CHST11: variants seen among roughly 807,000 people sequenced by gnomAD.
CHST11 encodes carbohydrate sulfotransferase 11.
A neutral mutation model predicts 30.4 loss-of-function variants in CHST11; 9 were observed. That is an observed-to-expected ratio of 0.30 (90% CI 0.18 to 0.52). The LOEUF (loss-of-function observed/expected upper bound fraction) is 0.52. CHST11 is among the 20% of genes least tolerant of loss of function. The pLI is 0.97. For missense variants in CHST11, 348 were observed against 460.6 expected, an observed-to-expected ratio of 0.76 and a Z score of 2.24; for synonymous variants, 152 against 187.8, an observed-to-expected ratio of 0.81 and a Z score of 1.56.
chr12:104,684,429 A>G (rs1285700376), intron 2 of CHST11, among the ~76,000 whole-genome samples: 2 of 152,172 alleles, frequency 1.3e-5, no homozygotes, highest in Admixed American at 6.5e-5. Flanking sequence ...TTTGAGCCCA[A>G]CTCTATCATC....
chr12:104,618,287 G>A (rs188541012), intron 2 of CHST11, among the ~76,000 whole-genome samples: 4 of 148,614 alleles, frequency 2.7e-5, no homozygotes, highest in East Asian at 2.0e-4. Context: ...GCAGTGGCGC[G>A]ATCATGGCTC....
intron 1 of CHST11, among the ~76,000 whole-genome samples, chr12:104,597,172 T>C (rs1181955812): frequency 6.6e-6 from 1 of 152,184 alleles, no homozygotes; most frequent in Non-Finnish European, 1.5e-5. Context: ...AACAACGTGC[T>C]CTTCATTACA....
intron 2 of CHST11, among the ~76,000 whole-genome samples, chr12:104,686,116 C>T (rs1202778829): frequency 1.3e-5 from 2 of 151,292 alleles, no homozygotes; most frequent in South Asian, 2.1e-4. Context: ...ACCCGTAGTC[C>T]TAGCTACTCA....
At chr12:104,473,907 C>T (rs758736348) in intron 1 of CHST11, among the ~76,000 whole-genome samples, 1 of 152,092 alleles carries the variant, frequency 6.6e-6, no homozygotes, top group Non-Finnish European at 1.5e-5. Context: ...GTTAAAACAT[C>T]ACCATCATCA....
chr12:104,457,826 TC>T (rs2037369645), intron 1 of CHST11, among the ~76,000 whole-genome samples: 1 of 149,672 alleles, frequency 6.7e-6, no homozygotes, highest in Non-Finnish European at 1.5e-5. Flanking sequence ...TTTCTTTGTG[TC>T]CCTTGTCTGT....
chr12:104,484,342 G>C (rs900418010), intron 1 of CHST11, among the ~76,000 whole-genome samples: 1 of 152,198 alleles, frequency 6.6e-6, no homozygotes, highest in African/African-American at 2.4e-5. Context: ...GGGAAGTCCT[G>C]CCATTAAGAA....
chr12:104,651,457 G>A (rs958632451), intron 2 of CHST11, among the ~76,000 whole-genome samples: 8 of 152,220 alleles, frequency 5.3e-5, no homozygotes, highest in East Asian at 1.9e-4. Context: ...ACTGTTTTTC[G>A]GAAGAAAAAC....
chr12:104,530,117 C>G (rs905813466), intron 1 of CHST11, among the ~76,000 whole-genome samples: 2 of 152,090 alleles, frequency 1.3e-5, no homozygotes, highest in Non-Finnish European at 2.9e-5. Flanking sequence ...CGAGATTGCG[C>G]CATTATAGTT....
intron 1 of CHST11, among the ~76,000 whole-genome samples, chr12:104,486,176 T>C (rs147908111): frequency 6.6e-6 from 1 of 152,354 alleles, no homozygotes; most frequent in East Asian, 1.9e-4. Context: ...TTGCTTGACC[T>C]TTAAATTTTT....
intron 2 of CHST11, among the ~76,000 whole-genome samples, chr12:104,705,113 T>C (rs562473504): frequency 9.8e-5 from 15 of 152,312 alleles, no homozygotes; most frequent in South Asian, 8.3e-4. Flanking sequence ...AACAGCACCT[T>C]CACACTTTCT....
chr12:104,657,911 GAC>G (rs113256308), intron 2 of CHST11, among the ~76,000 whole-genome samples: 6 of 152,278 alleles, frequency 3.9e-5, no homozygotes, highest in African/African-American at 1.4e-4. Flanking sequence ...CCCGAATAAA[GAC>G]ACGCTTTATT....
At chr12:104,527,683 G>A (rs80257543) in intron 1 of CHST11, among the ~76,000 whole-genome samples, 5,753 of 152,250 alleles carry the variant, frequency 0.038, 377 homozygotes, top group African/African-American at 0.13. Flanking sequence ...GAAGCTACCC[G>A]CTATGCCCAA....
chr12:104,577,459 G>T lies in CHST11; in HGVS notation c.119-24447G>T, dbSNP rs79404426. ...TAATAAGTGCTTTCAGATGACAGTG[G>T]GGTGGTGGGATTATCGGGGTGGTAG... On this transcript the variant is annotated intron_variant, in intron 1 of 2. Coordinates refer to ENST00000303694, the MANE Select transcript of CHST11 (RefSeq NM_018413.6). Among the ~76,000 whole-genome samples the T allele has an allele frequency of 8.6e-3, 1,314 of 152,142 alleles. 23 individuals carry two copies. The highest frequency in any genetic ancestry group is 0.03 in the African/African-American group (1,249 of 41,506).
At chr12:104,717,099 A>G (rs1434686140) in intron 2 of CHST11, among the ~76,000 whole-genome samples, 1 of 152,200 alleles carries the variant, frequency 6.6e-6, no homozygotes, top group Non-Finnish European at 1.5e-5. Context: ...CCACCCACAT[A>G]ATCCAGGCTA....
chr12:104,459,483 T>TTCA lies in CHST11; in HGVS notation c.118+1955_118+1957dup, dbSNP rs550336586. 3.0e-3 allele frequency among the ~76,000 whole-genome samples: 452 copies of TTCA among 152,362 alleles called. 4 individuals are homozygous for TTCA. Among genetic ancestry groups the TTCA allele is most frequent in the African/African-American group, 0.01 (431 of 41,582 alleles). ...CCCAGAACACGGATGAGTGTCAGCCTTCAGCAGGAATGCGCTTGAGCTTCT... is the reference window on the plus strand; with the variant it reads ...CCCAGAACACGGATGAGTGTCAGCCTTCATCAGCAGGAATGCGCTTGAGCTTCT... On this transcript the variant is annotated intron_variant, in intron 1 of 2. Transcript: ENST00000303694.
intron 2 of CHST11, among the ~76,000 whole-genome samples, chr12:104,705,580 A>AAATATTAATATATAGC (rs1212030166): frequency 2.0e-5 from 3 of 152,200 alleles, no homozygotes; most frequent in Admixed American, 2.0e-4. Flanking sequence ...TAAGCAAGCG[A>AAATATTAATATATAGC]AATATTAATA....
intron 2 of CHST11, among the ~76,000 whole-genome samples, chr12:104,690,438 T>TGA (rs2039886817): frequency 1.3e-5 from 2 of 152,252 alleles, no homozygotes; most frequent in African/African-American, 4.8e-5. Flanking sequence ...AGTCGATTTC[T>TGA]GATCCCCTCT....
intron 1 of CHST11, among the ~76,000 whole-genome samples, chr12:104,467,449 C>G (rs2037470397): frequency 6.6e-6 from 1 of 152,154 alleles, no homozygotes; most frequent in South Asian, 2.1e-4. Context: ...TATTGTCAAA[C>G]CTGCCATTGT....
At chr12:104,739,936 C>G (rs2040333385) in intron 2 of CHST11, among the ~76,000 whole-genome samples, 1 of 152,232 alleles carries the variant, frequency 6.6e-6, no homozygotes. Flanking sequence ...GCTTGCTCAT[C>G]TCCGCAGAGT....
Sources: allele counts gnomAD v4.1 joint callset (sites outside exome capture counted in the v4.1 genomes callset), GRCh38; gene constraint gnomAD v4.1.1; transcripts MANE v1.5; gene names NCBI Gene and HGNC (gene_info 2026-07-23, HGNC 2026-07-21).